GALNT13: variants seen among roughly 807,000 people sequenced by gnomAD.
The protein encoded by GALNT13 is polypeptide N-acetylgalactosaminyltransferase 13, also known as UDP-GalNAc:polypeptide N-acetylgalactosaminyltransferase 13.
In GALNT13, 28 loss-of-function variants were observed where a neutral mutation model predicts 64.2. The ratio of observed to expected loss-of-function variants is 0.44; its 90% CI spans 0.32 to 0.60. The LOEUF (loss-of-function observed/expected upper bound fraction) is 0.60. GALNT13 is among the 20% of genes least tolerant of loss of function. GALNT13 has a pLI of 0.05. For missense variants in GALNT13, 577 were observed against 669.8 expected (o/e 0.86, Z 1.53); for synonymous variants, 214 against 224.6 (o/e 0.95, Z 0.42).
chr2:153,719,485 G>T, the GALNT13 span, among the ~76,000 whole-genome samples: 4 of 152,126 alleles, frequency 2.6e-5, no homozygotes, highest in Non-Finnish European at 5.9e-5. Flanking sequence ...GAACAGCTCC[G>T]GTCTACAGCT....
At chr2:154,246,347 A>T (rs1689779650) in intron 7 of GALNT13, among the ~76,000 whole-genome samples, 1 of 152,102 alleles carries the variant, frequency 6.6e-6, no homozygotes, top group African/African-American at 2.4e-5. Flanking sequence ...CTCAAAACTG[A>T]AATAGCCAAA....
the GALNT13 span, among the ~76,000 whole-genome samples, chr2:153,224,650 A>G: frequency 6.6e-6 from 1 of 152,230 alleles, no homozygotes; most frequent in Non-Finnish European, 1.5e-5. Context: ...AATTACCAAT[A>G]TAACTGATGA....
the GALNT13 span, among the ~76,000 whole-genome samples, chr2:153,738,975 C>T: frequency 2.6e-5 from 4 of 151,866 alleles, no homozygotes; most frequent in Non-Finnish European, 5.9e-5. Context: ...ACTTTACCAT[C>T]TGTGCGTGAT....
intron 3 of GALNT13, among the ~76,000 whole-genome samples, chr2:154,123,530 G>A (rs975099810): frequency 4.0e-5 from 6 of 151,684 alleles, no homozygotes; most frequent in Non-Finnish European, 5.9e-5. Context: ...TGAATAACAT[G>A]GCTACACACT....
At chr2:153,633,835 A>G in the GALNT13 span, among the ~76,000 whole-genome samples, 1 of 152,184 alleles carries the variant, frequency 6.6e-6, no homozygotes, top group African/African-American at 2.4e-5. Flanking sequence ...CAAAACATTT[A>G]TAGTACTTTT....
intron 8 of GALNT13, among the ~76,000 whole-genome samples, chr2:154,283,195 A>T (rs1259062958): frequency 6.6e-6 from 1 of 152,156 alleles, no homozygotes; most frequent in Non-Finnish European, 1.5e-5. Flanking sequence ...GAAAGTGGAG[A>T]GTTGATATAC....
At chr2:153,282,782 T>C in the GALNT13 span, among the ~76,000 whole-genome samples, 2 of 152,328 alleles carry the variant, frequency 1.3e-5, no homozygotes, top group African/African-American at 4.8e-5. Flanking sequence ...CTGGAACTTC[T>C]AGTTTTTGTA....
At chr2:153,132,919 C>T in the GALNT13 span, among the ~76,000 whole-genome samples, 22 of 152,058 alleles carry the variant, frequency 1.4e-4, no homozygotes, top group South Asian at 1.0e-3. Context: ...GACAGGATTT[C>T]GCCATGTTAC....
At chr2:153,901,513 A>C (rs968064985) in intron 2 of GALNT13, among the ~76,000 whole-genome samples, 1 of 151,908 alleles carries the variant, frequency 6.6e-6, no homozygotes, top group Non-Finnish European at 1.5e-5. Flanking sequence ...TTTTGTTGAG[A>C]ACTTTCTCCT....
At chr2:153,247,281 G>A in the GALNT13 span, among the ~76,000 whole-genome samples, 150 of 152,326 alleles carry the variant, frequency 9.8e-4, 1 homozygote, top group African/African-American at 3.4e-3. Context: ...TCTGGATCAA[G>A]TGGACCTAAC....
At chr2:153,436,871 T>C in the GALNT13 span, among the ~76,000 whole-genome samples, 1 of 152,224 alleles carries the variant, frequency 6.6e-6, no homozygotes, top group East Asian at 1.9e-4. Flanking sequence ...CTGCTAGGTT[T>C]TGAATGTGTT....
intron 7 of GALNT13, among the ~76,000 whole-genome samples, chr2:154,253,781 A>T: frequency 6.6e-6 from 1 of 152,224 alleles, no homozygotes; most frequent in East Asian, 1.9e-4. Context: ...TCAGAAATAA[A>T]ATTGCAGATA....
chr2:153,507,541 A>G, the GALNT13 span, among the ~76,000 whole-genome samples: 2 of 152,110 alleles, frequency 1.3e-5, no homozygotes, highest in Non-Finnish European at 2.9e-5. Context: ...GGCCTCCCAA[A>G]GTGCTGGGAT....
chr2:153,609,544 G>C, the GALNT13 span, among the ~76,000 whole-genome samples: 1 of 152,084 alleles, frequency 6.6e-6, no homozygotes, highest in African/African-American at 2.4e-5. Context: ...TATCAGGGCT[G>C]TCCTCACCCA....
At chr2:154,299,077 A>G in intron 8 of GALNT13, among the ~76,000 whole-genome samples, 1 of 148,324 alleles carries the variant, frequency 6.7e-6, no homozygotes, top group Non-Finnish European at 1.5e-5. Flanking sequence ...TATATATTTT[A>G]TATTATTTAA....
intron 8 of GALNT13, among the ~76,000 whole-genome samples, chr2:154,279,006 C>T (rs538244594): frequency 6.6e-5 from 10 of 151,766 alleles, no homozygotes; most frequent in Non-Finnish European, 1.0e-4. Flanking sequence ...TTTAAATATG[C>T]GGTGATATCT....
At chr2:154,044,627 A>T (rs1314750087) in intron 3 of GALNT13, among the ~76,000 whole-genome samples, 1 of 152,128 alleles carries the variant, frequency 6.6e-6, no homozygotes, top group Non-Finnish European at 1.5e-5. Context: ...ATAAAGGAAA[A>T]GGGAAGTGAG....
intron 3 of GALNT13, among the ~76,000 whole-genome samples, chr2:154,000,393 A>G (rs1207543560): frequency 1.3e-5 from 2 of 152,038 alleles, no homozygotes; most frequent in South Asian, 2.1e-4. Context: ...GAGCTATAAC[A>G]TTAGGTTGTT....
intron 4 of GALNT13, among the ~76,000 whole-genome samples, chr2:154,160,420 T>G (rs572877966): frequency 6.6e-6 from 1 of 152,276 alleles, no homozygotes; most frequent in Admixed American, 6.5e-5. Context: ...TTGAGTGCAA[T>G]AATTCTTACC....
Sources: allele counts gnomAD v4.1 joint callset (sites outside exome capture counted in the v4.1 genomes callset), GRCh38; gene constraint gnomAD v4.1.1; transcripts MANE v1.5; gene names NCBI Gene and HGNC (gene_info 2026-07-23, HGNC 2026-07-21).